GATAD2B: variants seen among roughly 807,000 people sequenced by gnomAD.
The protein encoded by GATAD2B is transcriptional repressor p66-beta.
In GATAD2B, 8 loss-of-function variants were observed where a neutral mutation model predicts 64.3. The ratio of observed to expected loss-of-function variants is 0.12; its 90% CI spans 0.07 to 0.22. The LOEUF (loss-of-function observed/expected upper bound fraction) is 0.22, where lower values mean the gene tolerates loss of function less well. Ranked by LOEUF, GATAD2B falls within the 10% of genes least tolerant of loss-of-function variation. The pLI is 1.00. For missense variants in GATAD2B, 453 were observed against 752.0 expected (o/e 0.60, Z 4.65); for synonymous variants, 281 against 271.3 (o/e 1.04, Z -0.35).
chr1:153,922,599 C>T (rs1344167006), intron 1 of GATAD2B, 134 bp downstream of exon 1: 1 of 147,988 alleles, frequency 6.8e-6, no homozygotes, highest in Non-Finnish European at 1.5e-5. Flanking sequence ...GGCGCTTCCC[C>T]TCCCCCCGCC....
chr1:153,853,841 G>A (rs1220403797), intron 1 of GATAD2B, among the ~76,000 whole-genome samples: 2 of 152,114 alleles, frequency 1.3e-5, no homozygotes, highest in Non-Finnish European at 2.9e-5. Flanking sequence ...AACAACATTT[G>A]TTGGAGGGAC....
At chr1:153,834,323 A>C (rs1675192857) in intron 1 of GATAD2B, among the ~76,000 whole-genome samples, 1 of 151,866 alleles carries the variant, frequency 6.6e-6, no homozygotes, top group African/African-American at 2.4e-5. Flanking sequence ...CTCTATAAAA[A>C]TAAAAATTTA....
At chr1:153,848,954 C>T (rs745912870) in intron 1 of GATAD2B, among the ~76,000 whole-genome samples, 25 of 147,936 alleles carry the variant, frequency 1.7e-4, no homozygotes, top group Non-Finnish European at 3.0e-4. Context: ...CATCTCAAAA[C>T]AAAGCAAAAA....
chr1:153,906,201 T>G (rs1677924531), intron 1 of GATAD2B, among the ~76,000 whole-genome samples: 1 of 151,930 alleles, frequency 6.6e-6, no homozygotes, highest in African/African-American at 2.4e-5. Context: ...TCACTTGATT[T>G]GAGGTCAGGA....
At chr1:153,846,767 G>A (rs1169732813) in intron 1 of GATAD2B, among the ~76,000 whole-genome samples, 2 of 151,794 alleles carry the variant, frequency 1.3e-5, no homozygotes, top group African/African-American at 4.8e-5. Flanking sequence ...CACCAGGTTG[G>A]CCAGGCTGGT....
chr1:153,845,207 T>C (rs1457778822), intron 1 of GATAD2B, among the ~76,000 whole-genome samples: 1 of 152,028 alleles, frequency 6.6e-6, no homozygotes, highest in East Asian at 1.9e-4. Context: ...GACAGATATG[T>C]GATCAATGGA....
chr1:153,855,257 C>CA (rs2060655033), intron 1 of GATAD2B, among the ~76,000 whole-genome samples: 2 of 150,504 alleles, frequency 1.3e-5, no homozygotes, highest in Non-Finnish European at 3.0e-5. Context: ...GTTTTTGAGA[C>CA]AGAGTCTTGC....
chr1:153,853,334 C>T, intron 1 of GATAD2B: 1 of 745,680 alleles, frequency 1.3e-6, no homozygotes, highest in Non-Finnish European at 2.4e-6. Context: ...GACATGGGGT[C>T]ATATGTGGAG....
intron 1 of GATAD2B, among the ~76,000 whole-genome samples, chr1:153,845,954 C>CCCCCCAAACCCCCCCCCT (rs904339820): frequency 9.3e-6 from 1 of 107,416 alleles, no homozygotes; most frequent in African/African-American, 3.0e-5. Flanking sequence ...GCCCCCCCCC[C>CCCCCCAAACCCCCCCCCT]GCCCCAAAAC....
rs766166444 is a variant in GATAD2B at position 153,818,842 on chromosome 1, C to G, written c.546G>C (p.Leu182=). The change falls in exon 4 of 11, where the codon CTG becomes CTC. Residue 182 remains leucine, a synonymous_variant. Transcript: ENST00000368655. The part of the protein sequence containing the change: ...ELRLEEARLV[L]LKKLRQSQLQ... ...GCTGACTCTGTCTCAGTTTCTTTAACAGGACCAGTCGGGCTTCTTCCAATC... is the reference window on the plus strand; with the variant it reads ...GCTGACTCTGTCTCAGTTTCTTTAAGAGGACCAGTCGGGCTTCTTCCAATC... 15 of 1,613,568 alleles carry G rather than the reference C, an allele frequency of 9.3e-6. No individual in the cohort carries two copies. Among genetic ancestry groups the G allele is most frequent in the Non-Finnish European group, 1.3e-5 (15 of 1,179,954 alleles).
chr1:153,854,290 C>A (rs919836109), intron 1 of GATAD2B, among the ~76,000 whole-genome samples: 1 of 152,106 alleles, frequency 6.6e-6, no homozygotes, highest in African/African-American at 2.4e-5. Flanking sequence ...GTAGTCCCAG[C>A]TACTCGGGAG....
chr1:153,905,735 C>T (rs1490522614), intron 1 of GATAD2B, among the ~76,000 whole-genome samples: 1 of 143,940 alleles, frequency 6.9e-6, no homozygotes, highest in African/African-American at 2.6e-5. Context: ...AGTTTGAAAC[C>T]ATGCCTGGGC....
intron 1 of GATAD2B, among the ~76,000 whole-genome samples, chr1:153,872,033 C>G (rs968239377): frequency 6.6e-6 from 1 of 151,836 alleles, no homozygotes. Flanking sequence ...AAAAAGCAAC[C>G]TAGGCTAGGC....
chr1:153,911,023 C>T (rs1164083356), intron 1 of GATAD2B, among the ~76,000 whole-genome samples: 1 of 152,070 alleles, frequency 6.6e-6, no homozygotes, highest in Non-Finnish European at 1.5e-5. Context: ...AAATATATCT[C>T]TAAAATATTT....
chr1:153,816,059 AACACACACACACACACAC>A lies in GATAD2B; in HGVS notation c.1216+196_1216+213del, dbSNP rs71093286. Among the ~76,000 whole-genome samples, 9 of 141,790 alleles carry A rather than the reference AACACACACACACACACAC, an allele frequency of 6.3e-5. No homozygotes were observed. Among genetic ancestry groups the A allele is most frequent in the East Asian group, 2.1e-4 (1 of 4,726 alleles). 93.0% of individuals were successfully genotyped at this position (141,790 alleles called of 152,430 possible). Reference sequence around the variant, plus strand: ...CAGAGCGAGACTGCATCTCAAACAAAACACACACACACACACACACACACACACACACACACACACACT... The same window carrying A: ...CAGAGCGAGACTGCATCTCAAACAAAACACACACACACACACACACACACT... On this transcript the variant is annotated intron_variant, in intron 7 of 10. Transcript: ENST00000368655. The surrounding 1 kb of genome is among the most constrained non-coding windows in gnomAD (Gnocchi z 4.9).
intron 1 of GATAD2B, among the ~76,000 whole-genome samples, chr1:153,890,190 A>G (rs1475084981): frequency 1.3e-5 from 2 of 150,538 alleles, no homozygotes; most frequent in Non-Finnish European, 3.0e-5. Context: ...AAAAAAAGAA[A>G]AAAAAAGAAA....
At chr1:153,922,150 C>A (rs899628267) in intron 1 of GATAD2B, 6 of 152,130 alleles carry the variant, frequency 3.9e-5, no homozygotes, top group African/African-American at 1.2e-4. Flanking sequence ...CGCTCCTGAT[C>A]CCTTTCCCTA....
chr1:153,847,629 AT>A (rs962495822), intron 1 of GATAD2B, among the ~76,000 whole-genome samples: 271 of 148,760 alleles, frequency 1.8e-3, no homozygotes, highest in Non-Finnish European at 2.1e-3. Context: ...AGGATTCACT[AT>A]TTTTTTTTTC....
In GATAD2B at chr1:153,809,017, G is replaced by A. The variant is rs928970162; in HGVS notation, c.*1160C>T. The A allele has an allele frequency of 6.6e-6, 1 of 152,122 alleles. No individual in the cohort carries two copies. The highest frequency in any genetic ancestry group is 1.5e-5 in the Non-Finnish European group (1 of 68,026). 9.4% of individuals were successfully genotyped at this position (152,122 alleles called of 1,614,324 possible). A position where few individuals can be genotyped will look rare whatever the true frequency, so the allele number is the denominator to read the frequency against. ...TCTCATCTCCTGGCACTCAGAGGGT[G>A]AAAGAATAGGCAAATATGCGAATCT... On this transcript the variant is annotated 3_prime_UTR_variant, in exon 11 of 11. Transcript: ENST00000368655.
Sources: allele counts gnomAD v4.1 joint callset (sites outside exome capture counted in the v4.1 genomes callset), GRCh38; gene constraint gnomAD v4.1.1; non-coding constraint Gnocchi (gnomAD v3.1); transcripts MANE v1.5; gene names NCBI Gene and HGNC (gene_info 2026-07-23, HGNC 2026-07-21).